TTC39A: variants seen among roughly 807,000 people sequenced by gnomAD.
TTC39A encodes the protein tetratricopeptide repeat protein 39A.
Under a neutral mutation model 82.3 loss-of-function variants are expected in TTC39A, and 46 were observed. That is an observed-to-expected ratio of 0.56 (90% CI 0.44 to 0.71). TTC39A has a LOEUF of 0.71. Ranked by LOEUF, TTC39A falls within the 30% of genes least tolerant of loss-of-function variation. The probability of loss-of-function intolerance (pLI) is 0.00; values close to 1 mark genes in which losing one functional copy is unlikely to be tolerated. For synonymous variants in TTC39A, 254 were observed against 275.2 expected, an observed-to-expected ratio of 0.92 and a Z score of 0.76; for missense variants, 543 against 712.9, an observed-to-expected ratio of 0.76 and a Z score of 2.71.
chr1:51,321,962 C>T lies in TTC39A; in HGVS notation c.42-137G>A. ...CCTGTCACGAGCTCCTCCAGGCTGC[C>T]ACTCTGTACTGGGACGCAGGGACAA... On this transcript the variant is annotated intron_variant, in intron 1 of 17. Transcript: ENST00000680483. This position sits in a 1 kb window ranked among gnomAD's most constrained non-coding sequence, Gnocchi z 4.6. 1 of 1,328,814 alleles carries T rather than the reference C, an allele frequency of 7.5e-7. No homozygotes were observed. The highest frequency in any genetic ancestry group is 1.0e-6 in the Non-Finnish European group (1 of 960,894). 82.3% of individuals were successfully genotyped at this position (1,328,814 alleles called of 1,614,324 possible).
At chr1:51,324,688 AT>A (rs1467554724) in intron 1 of TTC39A, among the ~76,000 whole-genome samples, 1 of 151,390 alleles carries the variant, frequency 6.6e-6, no homozygotes, top group Non-Finnish European at 1.5e-5. Context: ...TGCCCGACTA[AT>A]TTTTTTGTAT....
At chr1:51,289,620 G>T (rs527248763) in intron 16 of TTC39A, among the ~76,000 whole-genome samples, 2 of 152,164 alleles carry the variant, frequency 1.3e-5, no homozygotes, top group African/African-American at 2.4e-5. Context: ...CCTTCTTGGG[G>T]CACCTGCTGT....
upstream of TTC39A, chr1:51,331,279 G>A (rs548611242): frequency 8.4e-6 from 13 of 1,540,158 alleles, no homozygotes; most frequent in Non-Finnish European, 1.1e-5. Flanking sequence ...CACCCACAAC[G>A]CTCCCCAAAT....
intron 7 of TTC39A, chr1:51,305,684 G>T: frequency 2.1e-6 from 1 of 466,558 alleles, no homozygotes. Context: ...CTGATTTATT[G>T]TGTGTGCCAA....
In TTC39A at chr1:51,294,376, A is replaced by G. The variant is rs982189355; in HGVS notation, c.1266+15T>C. 1 of 1,613,834 alleles carries G rather than the reference A, an allele frequency of 6.2e-7. No homozygotes were observed. Among genetic ancestry groups the G allele is most frequent in the Non-Finnish European group, 8.5e-7 (1 of 1,179,888 alleles). The stretch of plus-strand genomic sequence containing the variant: ...TATACCCGGAGGGCAGCGCCAGTCC[A>G]GACCTCCTACCCACCAGAGCAGGCA... On this transcript the variant is annotated intron_variant, in intron 14 of 17. Coordinates refer to ENST00000680483, the MANE Select transcript of TTC39A (RefSeq NM_001297663.2). The surrounding 1 kb of genome is among the most constrained non-coding windows in gnomAD (Gnocchi z 4.3).
chr1:51,291,805 CAA>C (rs112294762), intron 14 of TTC39A, among the ~76,000 whole-genome samples: 13 of 128,060 alleles, frequency 1.0e-4, no homozygotes, highest in Admixed American at 8.1e-5. Flanking sequence ...GATTCTATCT[CAA>C]AAAAAAAAAA....
chr1:51,345,081 C>T, exon 1 of TTC39A: 4 of 1,313,618 alleles, frequency 3.0e-6, no homozygotes, highest in Non-Finnish European at 3.9e-6. Flanking sequence ...GCGGGCGGCC[C>T]CTCGCGGCGG....
chr1:51,324,483 TG>T (rs1160705115), intron 1 of TTC39A, among the ~76,000 whole-genome samples: 1 of 152,182 alleles, frequency 6.6e-6, no homozygotes, highest in Non-Finnish European at 1.5e-5. Flanking sequence ...AGGGGGTTTC[TG>T]TTACTTCTGT....
chr1:51,344,533 C>T (rs1646073674), intron 1 of TTC39A, among the ~76,000 whole-genome samples: 4 of 152,190 alleles, frequency 2.6e-5, no homozygotes. Flanking sequence ...CCCACCTGCT[C>T]CTCGGATGTG....
At position 51,321,792 on chromosome 1, in the gene TTC39A, G is replaced by C; in HGVS notation, c.75C>G (p.Asp25Glu). Residue 25 changes from aspartate (D) to glutamate (E), a missense_variant, in exon 2 of 18, where the codon GAC (aspartate) becomes GAG (glutamate). Asp to Glu is a conservative substitution (Grantham distance 45, BLOSUM62 2). Transcript: ENST00000680483. This position sits in a 1 kb window ranked among gnomAD's most constrained non-coding sequence, Gnocchi z 4.6. ...AGAGGTCCAGGGCGGTCATGCACTGGTCCAGGGCCTCATGGAGGCTGCTCT... is the reference window on the plus strand; with the variant it reads ...AGAGGTCCAGGGCGGTCATGCACTGCTCCAGGGCCTCATGGAGGCTGCTCT... The part of the protein sequence containing the change: ...TPESSLHEAL[D>E]QCMTALDLFL... 1 of 1,613,864 alleles carries C rather than the reference G, an allele frequency of 6.2e-7. No individual in the cohort carries two copies. The highest frequency in any genetic ancestry group is 8.5e-7 in the Non-Finnish European group (1 of 1,179,844).
At chr1:51,311,229 T>C in intron 5 of TTC39A, 25 bp downstream of exon 5, 1 of 1,560,382 alleles carries the variant, frequency 6.4e-7, no homozygotes, top group African/African-American at 1.4e-5. Context: ...AATCCCAGCC[T>C]CTTTGTACAA....
At chr1:51,333,802 G>A (rs1448041812), upstream of TTC39A, among the ~76,000 whole-genome samples, 7 of 152,180 alleles carry the variant, frequency 4.6e-5, no homozygotes. Context: ...GTTCATCTCT[G>A]TGTCTCAGGG....
Position 51,309,309 on chromosome 1 carries a change from C to G in TTC39A, c.440G>C (p.Ser147Thr). Residue 147 changes from serine (S) to threonine (T), a missense_variant, in exon 6 of 18, where the codon AGC becomes ACC. Ser to Thr is a moderately conservative substitution (Grantham distance 58, BLOSUM62 1). Coordinates refer to ENST00000680483, the MANE Select transcript of TTC39A (RefSeq NM_001297663.2). ...AACTTTGATGCCGCCTTTGATGAAG[C>G]TCACCATGTTCTCGTCCTGCAGGAG... ...LTFLQDENMV[S>T]FIKGGIKVRN... The G allele has an allele frequency of 6.2e-7, 1 of 1,612,972 alleles. No homozygotes were observed. Among genetic ancestry groups the G allele is most frequent in the Non-Finnish European group, 8.5e-7 (1 of 1,179,572 alleles).
upstream of TTC39A, among the ~76,000 whole-genome samples, chr1:51,333,479 T>C (rs146314272): frequency 4.9e-4 from 75 of 152,390 alleles, no homozygotes; most frequent in African/African-American, 1.6e-3. Flanking sequence ...TGAAGAATCC[T>C]GAAGCTATAA....
intron 1 of TTC39A, among the ~76,000 whole-genome samples, chr1:51,343,764 G>T (rs1441684261): frequency 3.9e-5 from 6 of 152,162 alleles, no homozygotes; most frequent in African/African-American, 1.4e-4. Flanking sequence ...AGCCATGGAA[G>T]GGTTTTATTT....
chr1:51,320,490 C>G (rs1442518109), intron 2 of TTC39A, among the ~76,000 whole-genome samples: 1 of 133,704 alleles, frequency 7.5e-6, no homozygotes, highest in African/African-American at 2.8e-5. Context: ...TGCACAAGAT[C>G]ACAGCTCACT....
rs1569831640 is a variant in TTC39A, at chr1:51,301,566, G to C, written c.1053+6C>G. Reference sequence around the variant, plus strand: ...CCAATGCCCCTAACACGTGGCATCAGCCCACCTTGGACCAGCAGTTCTCCT... The same window carrying C: ...CCAATGCCCCTAACACGTGGCATCACCCCACCTTGGACCAGCAGTTCTCCT... On this transcript the variant is annotated splice_donor_region_variant and intron_variant, in intron 12 of 17. Transcript: ENST00000680483. The C allele has an allele frequency of 1.3e-6, 2 of 1,598,856 alleles. No homozygotes were observed. The highest frequency in any genetic ancestry group is 1.6e-4 in the Middle Eastern group (1 of 6,062).
intron 1 of TTC39A, among the ~76,000 whole-genome samples, chr1:51,338,777 AT>A (rs1469246588): frequency 6.6e-6 from 1 of 151,346 alleles, no homozygotes. Flanking sequence ...TAATTTTTGT[AT>A]TTTTAGTAGA....
intron 14 of TTC39A, among the ~76,000 whole-genome samples, chr1:51,293,026 A>T (rs1644280051): frequency 6.6e-6 from 1 of 151,784 alleles, no homozygotes; most frequent in Non-Finnish European, 1.5e-5. Flanking sequence ...CCCTTCCTAC[A>T]ATATCCTCCT....
Sources: gnomAD v4.1 joint callset for allele counts (sites outside exome capture counted in the v4.1 genomes callset) on GRCh38, gnomAD v4.1.1 for gene constraint, Gnocchi (gnomAD v3.1) non-coding constraint, MANE v1.5 for transcripts, NCBI Gene and HGNC (gene_info 2026-07-23, HGNC 2026-07-21) for gene names.